Variants in REC114 observed in about 807,000 individuals in gnomAD.
REC114 encodes REC114 meiotic recombination protein, also known as meiotic recombination protein REC114.
A neutral mutation model predicts 31.3 loss-of-function variants in REC114; 27 were observed. The observed-to-expected ratio is 0.86, with a 90% confidence interval of 0.64 to 1.19. The LOEUF is 1.19. Ranked by LOEUF, REC114 falls within the 50% of genes most tolerant of loss-of-function variation. The pLI, the probability that REC114 is intolerant of heterozygous loss-of-function variation, is 0.00. For missense variants in REC114, 344 were observed against 326.9 expected, an observed-to-expected ratio of 1.05 and a Z score of -0.40; for synonymous variants, 134 against 127.7, an observed-to-expected ratio of 1.05 and a Z score of -0.33.
chr15:73,464,566 G>A (rs1298325717), intron 1 of REC114, among the ~76,000 whole-genome samples: 2 of 152,136 alleles, frequency 1.3e-5, no homozygotes, highest in African/African-American at 4.8e-5. Flanking sequence ...AGTGTTGGGA[G>A]ATGCAGAAGT....
chr15:73,541,126 G>T (rs1243114124), intron 3 of REC114, among the ~76,000 whole-genome samples: 2 of 152,002 alleles, frequency 1.3e-5, no homozygotes, highest in East Asian at 3.9e-4. Flanking sequence ...AATTTTTGAG[G>T]GACTCAGACT....
intron 5 of REC114, among the ~76,000 whole-genome samples, chr15:73,558,390 T>C (rs1894506330): frequency 6.6e-6 from 1 of 152,224 alleles, no homozygotes. Context: ...GAGCCCATCA[T>C]CGTCATGTGG....
intron 1 of REC114, among the ~76,000 whole-genome samples, chr15:73,461,688 A>G (rs976214435): frequency 4.3e-4 from 65 of 152,088 alleles, no homozygotes; most frequent in Non-Finnish European, 1.3e-4. Context: ...TAACTGATGT[A>G]TAAGCTTGTG....
At chr15:73,496,931 T>A (rs537529964) in intron 2 of REC114, among the ~76,000 whole-genome samples, 65 of 151,542 alleles carry the variant, frequency 4.3e-4, no homozygotes, top group East Asian at 1.9e-3. Context: ...AGTCTTTATT[T>A]TTTTTTTTTT....
Position 73,496,931 on chromosome 15 carries a change from T to TA in REC114, c.249+23010_249+23011insA, listed in dbSNP as rs1555487047. 5.0e-3 allele frequency among the ~76,000 whole-genome samples: 753 copies of TA among 151,540 alleles called. 6 individuals are homozygous for TA. The highest frequency in any genetic ancestry group is 0.017 in the African/African-American group (708 of 41,176). ...CTGGGATAGCTCCTCAGTCTTTATT[T>TA]TTTTTTTTTTTTAATAACTTTGACA... is the stretch of plus-strand genomic sequence containing the variant. On this transcript the variant is annotated intron_variant, in intron 2 of 5. Coordinates refer to ENST00000331090, the MANE Select transcript of REC114 (RefSeq NM_001042367.2).
chr15:73,452,839 A>G (rs1453206173), intron 1 of REC114, among the ~76,000 whole-genome samples: 4 of 152,136 alleles, frequency 2.6e-5, no homozygotes, highest in Non-Finnish European at 5.9e-5. Flanking sequence ...CACATCTACA[A>G]CCATCTGATC....
intron 1 of REC114, among the ~76,000 whole-genome samples, chr15:73,455,942 G>A (rs1892908929): frequency 1.3e-5 from 2 of 152,204 alleles, no homozygotes; most frequent in Admixed American, 1.3e-4. Flanking sequence ...CACACTTTGA[G>A]AGGCAGGGGT....
chr15:73,538,899 A>T (rs1056219909), intron 2 of REC114, among the ~76,000 whole-genome samples: 2 of 139,142 alleles, frequency 1.4e-5, no homozygotes, highest in African/African-American at 2.6e-5. Context: ...TCTTATGTTT[A>T]AAAAAAAAAA....
chr15:73,527,693 A>G (rs556942951), intron 2 of REC114, among the ~76,000 whole-genome samples: 1 of 152,308 alleles, frequency 6.6e-6, no homozygotes, highest in Non-Finnish European at 1.5e-5. Context: ...AAATGACATC[A>G]CAGCTTTTGT....
At chr15:73,464,349 ATATT>A (rs1031751703) in intron 1 of REC114, among the ~76,000 whole-genome samples, 6 of 151,940 alleles carry the variant, frequency 3.9e-5, no homozygotes, top group African/African-American at 1.4e-4. Context: ...ACAGAAATAT[ATATT>A]TATTATTATT....
intron 2 of REC114, among the ~76,000 whole-genome samples, chr15:73,533,657 G>C (rs62015530): frequency 3.5e-3 from 410 of 117,284 alleles, no homozygotes; most frequent in East Asian, 7.9e-3. Context: ...GGATACCCAG[G>C]AATTGAACTC....
intron 1 of REC114, among the ~76,000 whole-genome samples, chr15:73,445,265 G>C (rs189092957): frequency 6.6e-6 from 1 of 152,132 alleles, no homozygotes; most frequent in Non-Finnish European, 1.5e-5. Flanking sequence ...AGCTATGAAC[G>C]TCCTAGATGG....
intron 2 of REC114, among the ~76,000 whole-genome samples, chr15:73,514,733 T>C (rs1432913591): frequency 6.6e-6 from 1 of 152,048 alleles, no homozygotes; most frequent in Non-Finnish European, 1.5e-5. Context: ...AAAATAATGT[T>C]AAGACAGCAA....
chr15:73,508,019 C>T (rs1893704486), intron 2 of REC114, among the ~76,000 whole-genome samples: 1 of 152,146 alleles, frequency 6.6e-6, no homozygotes. Context: ...ATCCCTACAG[C>T]ATCTTGTATT....
chr15:73,559,977 A>C lies in REC114; in HGVS notation c.*61A>C. 5 of 1,399,832 alleles carry C rather than the reference A, an allele frequency of 3.6e-6. No homozygotes were observed. Among genetic ancestry groups the C allele is most frequent in the Non-Finnish European group, 4.8e-6 (5 of 1,034,252 alleles). The allele number at this position is 1,399,832 out of a possible 1,614,324, so 86.7% of individuals were successfully genotyped here. On this transcript the variant is annotated 3_prime_UTR_variant, in exon 6 of 6. Transcript: ENST00000331090. ...GTATTGAAAAATGCTTCCTCCTAAA[A>C]TTAAAGAAGATATTAGAATAAAGAG... is the stretch of plus-strand genomic sequence containing the variant.
intron 2 of REC114, among the ~76,000 whole-genome samples, chr15:73,479,722 T>A (rs1296681450): frequency 6.6e-6 from 1 of 152,196 alleles, no homozygotes; most frequent in Non-Finnish European, 1.5e-5. Context: ...GCATAATGTA[T>A]TCCAGGTTCA....
chr15:73,543,923 ATC>A (rs1024612843), intron 3 of REC114, among the ~76,000 whole-genome samples: 70 of 143,252 alleles, frequency 4.9e-4, no homozygotes, highest in African/African-American at 1.7e-3. Context: ...CATTAACTCC[ATC>A]TCTGTCTGTT....
intron 2 of REC114, among the ~76,000 whole-genome samples, chr15:73,477,791 T>C (rs1893235006): frequency 6.6e-6 from 1 of 152,174 alleles, no homozygotes; most frequent in Admixed American, 6.5e-5. Context: ...TCTAGTTCAT[T>C]ATGAATTTTT....
chr15:73,557,685 G>A (rs753302862), intron 5 of REC114, among the ~76,000 whole-genome samples: 3 of 152,294 alleles, frequency 2.0e-5, no homozygotes, highest in Non-Finnish European at 4.4e-5. Flanking sequence ...AAGGCAGGGT[G>A]TGATGTCCTT....
Sources: allele counts gnomAD v4.1 joint callset (sites outside exome capture counted in the v4.1 genomes callset), GRCh38; gene constraint gnomAD v4.1.1; transcripts MANE v1.5; gene names NCBI Gene and HGNC (gene_info 2026-07-23, HGNC 2026-07-21).